The following CYB5B variants were observed in gnomAD, a reference collection of about 807,000 sequenced individuals.
CYB5B encodes the protein cytochrome b5 type B (outer mitochondrial membrane).
A neutral mutation model predicts 21.3 loss-of-function variants in CYB5B; 14 were observed. That is an observed-to-expected ratio of 0.66 (90% confidence interval 0.43 to 1.03). CYB5B has a LOEUF of 1.03. Ranked by LOEUF, CYB5B falls within the 50% of genes least tolerant of loss-of-function variation. The pLI, the probability that CYB5B is intolerant of heterozygous loss-of-function variation, is 0.00. For synonymous variants in CYB5B, 69 were observed against 68.4 expected (o/e 1.01, Z -0.04); for missense variants, 166 against 185.1 (o/e 0.90, Z 0.60).
chr16:69,430,424 T>A (rs1326184904), intron 1 of CYB5B, among the ~76,000 whole-genome samples: 1 of 152,150 alleles, frequency 6.6e-6, no homozygotes, highest in African/African-American at 2.4e-5. Flanking sequence ...TTTCATCATG[T>A]TGCCCAGGCT....
chr16:69,440,020 C>T (rs1455747601), intron 1 of CYB5B, among the ~76,000 whole-genome samples: 1 of 152,096 alleles, frequency 6.6e-6, no homozygotes, highest in Non-Finnish European at 1.5e-5. Context: ...AGATGTGCAC[C>T]ACCACACCTG....
intron 4 of CYB5B, among the ~76,000 whole-genome samples, chr16:69,461,447 C>T (rs887408507): frequency 6.6e-6 from 1 of 152,096 alleles, no homozygotes; most frequent in African/African-American, 2.4e-5. Flanking sequence ...TTCTGCTGTA[C>T]GTAAGCATAC....
chr16:69,447,868 T>G (rs2014893169), intron 2 of CYB5B, among the ~76,000 whole-genome samples: 1 of 152,342 alleles, frequency 6.6e-6, no homozygotes, highest in Non-Finnish European at 1.5e-5. Context: ...AATAGTGGTT[T>G]GCTTGTTTTT....
chr16:69,424,989 A>C (rs2014628176), intron 1 of CYB5B, 132 bp downstream of exon 1: 2 of 934,360 alleles, frequency 2.1e-6, no homozygotes, highest in South Asian at 4.8e-5. Flanking sequence ...CACGACCCTC[A>C]GAGGGAAACT....
rs35730706 is a variant in CYB5B, at chr16:69,459,113, A to G, written c.354A>G (p.Thr118=). 0.035 allele frequency: 56,862 copies of G among 1,601,912 alleles called. 1,180 individuals carry two copies. The highest frequency in any genetic ancestry group is 0.073 in the East Asian group (3,250 of 44,612). Residue 118 remains threonine, a synonymous_variant, in exon 4 of 5, where the codon ACA becomes ACG. Coordinates refer to ENST00000307892, the MANE Select transcript of CYB5B (RefSeq NM_030579.3). ...SGSKDPSKND[T]CKSCWAYWIL... ...TTCAGGACCCTTCAAAAAATGATAC[A>G]TGCAAAAGGTTAGTATCTCCTTAAC...
intron 4 of CYB5B, among the ~76,000 whole-genome samples, chr16:69,460,263 G>A (rs1357655599): frequency 1.3e-5 from 2 of 151,990 alleles, no homozygotes; most frequent in Non-Finnish European, 2.9e-5. Flanking sequence ...TTATGCTTAT[G>A]CTATAAAACT....
intron 3 of CYB5B, among the ~76,000 whole-genome samples, chr16:69,452,802 C>T (rs566122587): frequency 6.6e-6 from 1 of 152,164 alleles, no homozygotes; most frequent in South Asian, 2.1e-4. Context: ...AGGTCAAGAC[C>T]ATCTTGGCCA....
intron 1 of CYB5B, among the ~76,000 whole-genome samples, chr16:69,440,106 C>G (rs1476213594): frequency 6.9e-6 from 1 of 144,952 alleles, no homozygotes; most frequent in Non-Finnish European, 1.5e-5. Context: ...AACCCCTGGC[C>G]TCTAGTGATC....
intron 1 of CYB5B, among the ~76,000 whole-genome samples, chr16:69,445,643 CTGAG>C (rs1222513493): frequency 6.6e-6 from 1 of 152,130 alleles, no homozygotes; most frequent in African/African-American, 2.4e-5. Flanking sequence ...GGTTAATTTT[CTGAG>C]TAAGTAATGC....
chr16:69,446,448 T>G (rs1019547223), intron 1 of CYB5B, among the ~76,000 whole-genome samples: 3 of 152,150 alleles, frequency 2.0e-5, no homozygotes, highest in African/African-American at 7.2e-5. Context: ...CTCAGCCTCC[T>G]GAGTAGCTGG....
At chr16:69,425,026 T>A (rs2014628608) in intron 1 of CYB5B, among the ~76,000 whole-genome samples, 169 bp downstream of exon 1, 1 of 152,136 alleles carries the variant, frequency 6.6e-6, no homozygotes, top group Non-Finnish European at 1.5e-5. Context: ...AGGGCTTTAG[T>A]TTGCATGCAT....
intron 1 of CYB5B, among the ~76,000 whole-genome samples, chr16:69,444,475 C>CA (rs2014857535): frequency 6.6e-6 from 1 of 152,150 alleles, no homozygotes; most frequent in Non-Finnish European, 1.5e-5. Context: ...GCCAGTGGCC[C>CA]ATGGCAGCCC....
At chr16:69,436,412 G>T (rs897269126) in intron 1 of CYB5B, among the ~76,000 whole-genome samples, 4 of 152,188 alleles carry the variant, frequency 2.6e-5, no homozygotes, top group African/African-American at 9.7e-5. Context: ...CTGAACTTCA[G>T]ACCCTGCCAA....
At chr16:69,455,824 G>C (rs1022275105) in intron 3 of CYB5B, among the ~76,000 whole-genome samples, 1 of 152,018 alleles carries the variant, frequency 6.6e-6, no homozygotes, top group Non-Finnish European at 1.5e-5. Flanking sequence ...TCTACTTACG[G>C]TAGTGCTTCT....
At chr16:69,452,361 T>C (rs1313061884) in intron 3 of CYB5B, among the ~76,000 whole-genome samples, 1 of 151,768 alleles carries the variant, frequency 6.6e-6, no homozygotes, top group African/African-American at 2.4e-5. Context: ...CATACTATTC[T>C]TCACCTTGCT....
intron 1 of CYB5B, among the ~76,000 whole-genome samples, chr16:69,444,759 A>G (rs927776447): frequency 6.7e-6 from 1 of 149,906 alleles, no homozygotes; most frequent in Non-Finnish European, 1.5e-5. Flanking sequence ...TGCCTACCAC[A>G]CAAAATAGTA....
intron 1 of CYB5B, among the ~76,000 whole-genome samples, chr16:69,433,684 ATG>A (rs1168637301): frequency 7.2e-5 from 11 of 152,234 alleles, no homozygotes; most frequent in Non-Finnish European, 4.4e-5. Flanking sequence ...GGACAATAAA[ATG>A]TACAGATTTT....
In CYB5B at chr16:69,463,553, T is replaced by G. The variant is rs2015056942; in HGVS notation, c.*1033T>G. ...AATGTATAATTATGTTTGTAGAGCT[T>G]TACCAAGGAGTTTCCCTCCTTTTTT... On this transcript the variant is annotated 3_prime_UTR_variant, in exon 5 of 5. Transcript: ENST00000307892. The G allele has an allele frequency of 6.6e-6, 1 of 152,190 alleles. No homozygotes were observed. The highest frequency in any genetic ancestry group is 1.5e-5 in the Non-Finnish European group (1 of 68,018). The allele number at this position is 152,190 out of a possible 1,614,324, so 9.4% of individuals were successfully genotyped here.
At chr16:69,448,060 T>G in intron 2 of CYB5B, 55 bp from the exon 3 acceptor site, 48 of 1,568,470 alleles carry the variant, frequency 3.1e-5, no homozygotes, top group Non-Finnish European at 3.9e-5. Context: ...AAGCATATAG[T>G]GAGAATTCAT....
Sources: gnomAD v4.1 joint callset for allele counts (sites outside exome capture counted in the v4.1 genomes callset) on GRCh38, gnomAD v4.1.1 for gene constraint, MANE v1.5 for transcripts, NCBI Gene and HGNC (gene_info 2026-07-23, HGNC 2026-07-21) for gene names.